The following PPM1H variants were observed in gnomAD, a reference collection of about 807,000 sequenced individuals.
PPM1H encodes the protein protein phosphatase 1H.
PPM1H carries 27 observed loss-of-function variants against 54.9 expected under a neutral mutation model. The ratio of observed to expected loss-of-function variants is 0.49; its 90% CI spans 0.36 to 0.68. PPM1H has a LOEUF of 0.68. Among genes scored for constraint, PPM1H ranks in the 30% least tolerant of loss-of-function variants. The pLI, the probability that PPM1H is intolerant of heterozygous loss-of-function variation, is 0.00. For missense variants in PPM1H, 596 were observed against 667.8 expected (o/e 0.89, Z 1.19); for synonymous variants, 305 against 270.8 (o/e 1.13, Z -1.24).
At chr12:62,681,427 C>T (rs2076018472) in intron 8 of PPM1H, among the ~76,000 whole-genome samples, 1 of 152,142 alleles carries the variant, frequency 6.6e-6, no homozygotes, top group South Asian at 2.1e-4. Flanking sequence ...GTCTGCAGCT[C>T]CCCCATCTCC....
chr12:62,865,583 G>A (rs1007566598), intron 1 of PPM1H, among the ~76,000 whole-genome samples: 8 of 151,942 alleles, frequency 5.3e-5, no homozygotes, highest in East Asian at 1.9e-4. Flanking sequence ...CTTAACCTCC[G>A]TCTCCCGGGC....
intron 4 of PPM1H, among the ~76,000 whole-genome samples, chr12:62,773,755 G>A (rs7299622): frequency 0.18 from 27,643 of 152,052 alleles, 3,036 homozygotes; most frequent in African/African-American, 0.3. Flanking sequence ...GGTCAGTGCC[G>A]TACAGTTCTT....
At chr12:62,742,424 T>C (rs1469517688) in intron 4 of PPM1H, among the ~76,000 whole-genome samples, 1 of 152,172 alleles carries the variant, frequency 6.6e-6, no homozygotes, top group Non-Finnish European at 1.5e-5. Context: ...GATCTTGGGA[T>C]CAATTTGTCA....
intron 5 of PPM1H, chr12:62,720,536 G>T: frequency 4.4e-6 from 2 of 454,472 alleles, no homozygotes; most frequent in Middle Eastern, 6.4e-4. Context: ...ATGCATAGCT[G>T]AAGGGATCAG....
chr12:62,899,209 T>G (rs568754201), intron 1 of PPM1H, among the ~76,000 whole-genome samples: 1 of 152,272 alleles, frequency 6.6e-6, no homozygotes, highest in African/African-American at 2.4e-5. Flanking sequence ...TATTTTTTTA[T>G]TAGCTATCTG....
intron 1 of PPM1H, among the ~76,000 whole-genome samples, chr12:62,843,796 T>C (rs1024136437): frequency 1.3e-5 from 2 of 152,332 alleles, no homozygotes; most frequent in South Asian, 4.1e-4. Flanking sequence ...TTTACCCTAG[T>C]GTTAATTAAC....
At position 62,683,963 on chromosome 12, in the gene PPM1H, G is replaced by A. The variant is rs538816521; in HGVS notation, c.1245+5736C>T. On this transcript the variant is annotated intron_variant, in intron 8 of 9. Transcript: ENST00000228705. ...GAACAGGAGATGTGTGCTGGACTGG[G>A]ACTGGGAGAATTGCTGAGAAAGAAG... 1.1e-3 allele frequency among the ~76,000 whole-genome samples: 162 copies of A among 152,330 alleles called. 1 individual carries two copies. The highest frequency in any genetic ancestry group is 3.7e-3 in the African/African-American group (154 of 41,568).
At chr12:62,867,625 T>C (rs1182240287) in intron 1 of PPM1H, among the ~76,000 whole-genome samples, 15 of 129,140 alleles carry the variant, frequency 1.2e-4, no homozygotes, top group African/African-American at 4.3e-4. Context: ...TCACCCAGGC[T>C]GGAGTGCAGT....
rs1376255767 is a variant in PPM1H at position 62,934,151 on chromosome 12, G to A, written c.245+341C>T. On this transcript the variant is annotated intron_variant, in intron 1 of 9. Coordinates refer to ENST00000228705, the MANE Select transcript of PPM1H (RefSeq NM_020700.2). The surrounding 1 kb of genome is among the most constrained non-coding windows in gnomAD (Gnocchi z 4.2). ...TACAGATAGCAGATTTTCCTTATGTGTTTCAAACTTCAGAGCTTTTCTGCC... is the reference window on the plus strand; with the variant it reads ...TACAGATAGCAGATTTTCCTTATGTATTTCAAACTTCAGAGCTTTTCTGCC... 6 of 253,776 alleles carry A rather than the reference G, an allele frequency of 2.4e-5. No homozygotes were observed. Among genetic ancestry groups the A allele is most frequent in the Non-Finnish European group, 4.5e-5 (6 of 133,538 alleles). The allele number at this position is 253,776 out of a possible 1,614,324, so 15.7% of individuals were successfully genotyped here.
At position 62,832,107 on chromosome 12, in the gene PPM1H, G is replaced by C. The variant is rs1244390454; in HGVS notation, c.411+7C>G. On this transcript the variant is annotated splice_region_variant and intron_variant, in intron 2 of 9. Coordinates refer to ENST00000228705, the MANE Select transcript of PPM1H (RefSeq NM_020700.2). ...ACCTGAGAACCAAGGATCGAGAAGG[G>C]TCTTACCGAGTTCTCCTTCAGCTGC... is the stretch of plus-strand genomic sequence containing the variant. The C allele has an allele frequency of 6.2e-7, 1 of 1,613,284 alleles. No homozygotes were observed. The highest frequency in any genetic ancestry group is 8.5e-7 in the Non-Finnish European group (1 of 1,179,344).
At chr12:62,753,721 G>A (rs1410008738) in intron 4 of PPM1H, among the ~76,000 whole-genome samples, 1 of 152,196 alleles carries the variant, frequency 6.6e-6, no homozygotes, top group African/African-American at 2.4e-5. Context: ...GCTGAGACTG[G>A]TGGGGGCTTG....
Position 62,837,344 on chromosome 12 carries a change from C to T in PPM1H, c.246-5065G>A, listed in dbSNP as rs76897808. ...AAGTATTCTCACATAGTGGTCCTGT[C>T]ACAAAGGCCATTGGCCCCAGAATAG... On this transcript the variant is annotated intron_variant, in intron 1 of 9. Transcript: ENST00000228705. Among the ~76,000 whole-genome samples, 1,104 of 152,314 alleles carry T rather than the reference C, an allele frequency of 7.2e-3. 13 individuals are homozygous for T. Among genetic ancestry groups the T allele is most frequent in the African/African-American group, 0.026 (1,064 of 41,586 alleles).
intron 8 of PPM1H, among the ~76,000 whole-genome samples, chr12:62,672,168 C>CT (rs1331933871): frequency 2.0e-5 from 3 of 152,310 alleles, no homozygotes; most frequent in South Asian, 4.1e-4. Flanking sequence ...TACACAGCAT[C>CT]TGATCTACCC....
At chr12:62,899,914 C>G (rs1438090440) in intron 1 of PPM1H, among the ~76,000 whole-genome samples, 1 of 152,190 alleles carries the variant, frequency 6.6e-6, no homozygotes, top group Non-Finnish European at 1.5e-5. Flanking sequence ...GTGGTGCCCT[C>G]ACAAATGGGG....
intron 1 of PPM1H, among the ~76,000 whole-genome samples, chr12:62,860,854 T>C (rs1252516572): frequency 6.6e-6 from 1 of 152,228 alleles, no homozygotes; most frequent in Non-Finnish European, 1.5e-5. Flanking sequence ...GGTTGTTGGA[T>C]GAACATGGCT....
intron 1 of PPM1H, among the ~76,000 whole-genome samples, chr12:62,858,472 T>G (rs904915306): frequency 5.3e-5 from 8 of 152,186 alleles, no homozygotes; most frequent in African/African-American, 1.7e-4. Flanking sequence ...GTTGTTTTTT[T>G]CATAAATAAC....
intron 1 of PPM1H, among the ~76,000 whole-genome samples, chr12:62,904,786 C>T (rs1481289869): frequency 6.6e-6 from 1 of 152,108 alleles, no homozygotes; most frequent in East Asian, 1.9e-4. Context: ...TCTTCTTTTC[C>T]TTATTAGTAT....
chr12:62,718,057 A>C (rs546310526), intron 6 of PPM1H, among the ~76,000 whole-genome samples: 10 of 152,314 alleles, frequency 6.6e-5, no homozygotes, highest in Admixed American at 2.0e-4. Flanking sequence ...GTGCACATCA[A>C]CTGTCTGCAA....
chr12:62,902,707 A>G (rs1316768110), intron 1 of PPM1H, among the ~76,000 whole-genome samples: 5 of 152,234 alleles, frequency 3.3e-5, no homozygotes, highest in Non-Finnish European at 7.3e-5. Flanking sequence ...TCAAGGATTA[A>G]TTAAAATAAT....
Sources: allele counts gnomAD v4.1 joint callset (sites outside exome capture counted in the v4.1 genomes callset), GRCh38; gene constraint gnomAD v4.1.1; non-coding constraint Gnocchi (gnomAD v3.1); transcripts MANE v1.5; gene names NCBI Gene and HGNC (gene_info 2026-07-23, HGNC 2026-07-21).